HOMER2: variants seen among roughly 807,000 people sequenced by gnomAD.
The protein encoded by HOMER2 is homer protein homolog 2.
A neutral mutation model predicts 47.0 loss-of-function variants in HOMER2; 27 were observed. The ratio of observed to expected loss-of-function variants is 0.57; its 90% confidence interval spans 0.42 to 0.79. The LOEUF (loss-of-function observed/expected upper bound fraction) is 0.79. Ranked by LOEUF, HOMER2 falls within the 30% of genes least tolerant of loss-of-function variation. HOMER2 has a pLI of 0.00. For synonymous variants in HOMER2, 161 were observed against 163.8 expected, an observed-to-expected ratio of 0.98 and a Z score of 0.13; for missense variants, 443 against 435.0, an observed-to-expected ratio of 1.02 and a Z score of -0.16.
At chr15:82,912,628 T>C (rs1214041279) in intron 1 of HOMER2, among the ~76,000 whole-genome samples, 1 of 152,216 alleles carries the variant, frequency 6.6e-6, no homozygotes, top group African/African-American at 2.4e-5. Flanking sequence ...TGTTAAGTCA[T>C]AGGATAACTC....
chr15:82,948,497 A>G (rs2054431700), intron 1 of HOMER2, among the ~76,000 whole-genome samples: 3 of 152,130 alleles, frequency 2.0e-5, no homozygotes, highest in Middle Eastern at 6.9e-3. Context: ...TGGGAGGCAG[A>G]GGTTGCAGTG....
chr15:82,903,315 A>G (rs1277727535), intron 1 of HOMER2, among the ~76,000 whole-genome samples: 1 of 152,170 alleles, frequency 6.6e-6, no homozygotes, highest in African/African-American at 2.4e-5. Context: ...TCGCCACTCC[A>G]TTTTAACAAG....
At chr15:82,892,041 T>C (rs2052726277) in intron 2 of HOMER2, among the ~76,000 whole-genome samples, 1 of 151,742 alleles carries the variant, frequency 6.6e-6, no homozygotes, top group South Asian at 2.1e-4. Flanking sequence ...TTAATTCTGT[T>C]CCCATGATAA....
chr15:82,966,523 T>A (rs933325990), intron 1 of HOMER2, among the ~76,000 whole-genome samples: 8 of 152,088 alleles, frequency 5.3e-5, no homozygotes, highest in Non-Finnish European at 7.4e-5. Flanking sequence ...GGATACTAGT[T>A]TGGACAGTGT....
chr15:82,860,612 CAT>C (rs1223421132), intron 4 of HOMER2, among the ~76,000 whole-genome samples: 3 of 152,126 alleles, frequency 2.0e-5, no homozygotes, highest in East Asian at 1.9e-4. Flanking sequence ...AATCGATAAA[CAT>C]AAAAATATTT....
intron 2 of HOMER2, among the ~76,000 whole-genome samples, chr15:82,891,807 A>C (rs1457019077): frequency 1.3e-5 from 2 of 152,178 alleles, no homozygotes; most frequent in African/African-American, 4.8e-5. Context: ...TGACAAACTT[A>C]AAGAAGGACT....
chr15:82,855,241 G>A (rs1324187239), intron 5 of HOMER2, among the ~76,000 whole-genome samples: 1 of 136,784 alleles, frequency 7.3e-6, no homozygotes, highest in South Asian at 2.3e-4. Context: ...CAGAAGAATC[G>A]CTTGAACCCA....
intron 2 of HOMER2, among the ~76,000 whole-genome samples, chr15:82,878,923 G>A (rs1282888254): frequency 6.6e-6 from 1 of 152,118 alleles, no homozygotes; most frequent in African/African-American, 2.4e-5. Context: ...CACCATGCTG[G>A]CCATGCACAA....
chr15:82,854,835 G>A (rs1344939262), intron 5 of HOMER2, 35 bp from the exon 6 acceptor site: 1 of 1,589,002 alleles, frequency 6.3e-7, no homozygotes, highest in Non-Finnish European at 8.5e-7. Context: ...CGACGGGGTG[G>A]GTGCTGTCCC....
intron 2 of HOMER2, among the ~76,000 whole-genome samples, chr15:82,888,919 C>CTGCATTTTTAT: frequency 6.6e-6 from 1 of 152,012 alleles, no homozygotes; most frequent in Admixed American, 6.5e-5. Flanking sequence ...GGCTCCTCCC[C>CTGCATTTTTAT]ACCAGCCACT....
rs929575348 is a variant in HOMER2, at chr15:82,952,521, G to A, written c.5+10C>T. ...GGCGCGCGGAGAGCGCGCGGCGCGG[G>A]CTCACTCACCCCATCTCCGGCGCTG... is the stretch of plus-strand genomic sequence containing the variant. On this transcript the variant is annotated intron_variant, in intron 1 of 8. Transcript: ENST00000450735. The A allele has an allele frequency of 1.1e-5, 13 of 1,188,622 alleles. No homozygotes were observed. Among genetic ancestry groups the A allele is most frequent in the African/African-American group, 8.0e-5 (5 of 62,822 alleles). The allele number at this position is 1,188,622 out of a possible 1,614,324, so 73.6% of individuals were successfully genotyped here.
At chr15:82,955,933 A>G (rs2054583334), upstream of HOMER2, among the ~76,000 whole-genome samples, 1 of 152,116 alleles carries the variant, frequency 6.6e-6, no homozygotes, top group South Asian at 2.1e-4. Context: ...GGCCTGTTGA[A>G]GAGACATTTA....
downstream of HOMER2, chr15:82,845,408 G>A (rs975768287): frequency 1.3e-5 from 2 of 152,152 alleles, no homozygotes; most frequent in African/African-American, 2.4e-5. Flanking sequence ...AGGCATGTAA[G>A]TAACATTTTC....
At chr15:82,868,539 ATATTT>A (rs1345083530) in intron 3 of HOMER2, among the ~76,000 whole-genome samples, 1 of 62,432 alleles carries the variant, frequency 1.6e-5, no homozygotes, top group Admixed American at 1.8e-4. Context: ...ATATATATAT[ATATTT>A]TTTTTTTTTT....
intron 1 of HOMER2, among the ~76,000 whole-genome samples, chr15:82,966,870 G>C (rs1291908631): frequency 6.6e-6 from 1 of 152,178 alleles, no homozygotes; most frequent in Non-Finnish European, 1.5e-5. Flanking sequence ...ACTTCCTCAA[G>C]ATTTCATGAT....
intron 3 of HOMER2, among the ~76,000 whole-genome samples, chr15:82,868,434 G>C (rs894156739): frequency 6.7e-6 from 1 of 149,274 alleles, no homozygotes; most frequent in Admixed American, 6.8e-5. Context: ...GAGGGTGGAG[G>C]GTGGAGGGTA....
intron 2 of HOMER2, among the ~76,000 whole-genome samples, chr15:82,892,235 C>G (rs1025450526): frequency 6.6e-6 from 1 of 152,140 alleles, no homozygotes; most frequent in African/African-American, 2.4e-5. Flanking sequence ...AAGAACGAAC[C>G]CTTCTGGAAA....
chr15:82,953,622 C>G (rs8023400), upstream of HOMER2, among the ~76,000 whole-genome samples: 3,661 of 152,202 alleles, frequency 0.024, 153 homozygotes, highest in African/African-American at 0.084. Flanking sequence ...GCCTGTAATC[C>G]CAGCACTTTG....
At chr15:82,909,301 C>T (rs141594923) in intron 1 of HOMER2, among the ~76,000 whole-genome samples, 8 of 152,236 alleles carry the variant, frequency 5.3e-5, no homozygotes, top group Non-Finnish European at 7.4e-5. Context: ...GGAGCAATGG[C>T]GAGAGCACAC....
Sources: gnomAD v4.1 joint callset for allele counts (sites outside exome capture counted in the v4.1 genomes callset) on GRCh38, gnomAD v4.1.1 for gene constraint, MANE v1.5 for transcripts, NCBI Gene and HGNC (gene_info 2026-07-23, HGNC 2026-07-21) for gene names.